The following IQCH variants were observed in gnomAD, a reference collection of about 807,000 sequenced individuals.
The protein encoded by IQCH is IQ domain-containing protein H.
Under a neutral mutation model 117.0 loss-of-function variants are expected in IQCH, and 98 were observed. The ratio of observed to expected loss-of-function variants is 0.84; its 90% CI spans 0.71 to 0.99. IQCH has a LOEUF of 0.99. Ranked by LOEUF, IQCH falls within the 50% of genes least tolerant of loss-of-function variation. The probability of loss-of-function intolerance (pLI) is 0.00; values close to 1 mark genes in which losing one functional copy is unlikely to be tolerated. For missense variants in IQCH, 1,102 were observed against 1,243.8 expected (o/e 0.89, Z 1.72); for synonymous variants, 412 against 448.2 (o/e 0.92, Z 1.02).
rs912162656 is a variant in IQCH, at chr15:67,467,125, AG to A, written c.2676+1830del. On this transcript the variant is annotated intron_variant, in intron 17 of 20. Coordinates refer to ENST00000335894, the MANE Select transcript of IQCH (RefSeq NM_001031715.3). The surrounding 1 kb of genome is among the most constrained non-coding windows in gnomAD (Gnocchi z 5.7). ...ATAATCCTAGCTACTGGGAAGGCTG[AG>A]GCAGGAGGATCACTTGAGCCCTGGA... 4.6e-5 allele frequency: 7 copies of A among 152,520 alleles called. No homozygotes were observed. The highest frequency in any genetic ancestry group is 1.2e-4 in the African/African-American group (5 of 41,468). The allele number at this position is 152,520 out of a possible 1,614,324, so 9.4% of individuals were successfully genotyped here.
chr15:67,356,366 G>A lies in IQCH; in HGVS notation c.638-979G>A, dbSNP rs1203532260. Among the ~76,000 whole-genome samples the A allele has an allele frequency of 6.6e-6, 1 of 152,196 alleles. No homozygotes were observed. The highest frequency in any genetic ancestry group is 1.5e-5 in the Non-Finnish European group (1 of 68,030). ...CAACAAAGAAATCCCTTTTGTGAAGGTGAGTTTCACTGAAAAGGCTCTGCT... is the reference window on the plus strand; with the variant it reads ...CAACAAAGAAATCCCTTTTGTGAAGATGAGTTTCACTGAAAAGGCTCTGCT... On this transcript the variant is annotated intron_variant, in intron 6 of 20. Coordinates refer to ENST00000335894, the MANE Select transcript of IQCH (RefSeq NM_001031715.3). The surrounding 1 kb of genome is among the most constrained non-coding windows in gnomAD (Gnocchi z 5.3).
intron 16 of IQCH, among the ~76,000 whole-genome samples, chr15:67,434,760 T>C (rs1455328096): frequency 6.6e-6 from 1 of 151,372 alleles, no homozygotes; most frequent in East Asian, 1.9e-4. Context: ...CACCAATACT[T>C]ATCTTTTGTC....
In IQCH at chr15:67,481,875, G is replaced by A. The variant is rs1400193976; in HGVS notation, c.2799+6057G>A. ...ATTAAAAGAGACTGTTGCTGCTTAA[G>A]ACTTAAAACAACCCTTGGGCCCTCA... On this transcript the variant is annotated intron_variant, in intron 18 of 20. Coordinates refer to ENST00000335894, the MANE Select transcript of IQCH (RefSeq NM_001031715.3). This position sits in a 1 kb window ranked among gnomAD's most constrained non-coding sequence, Gnocchi z 4.1. Among the ~76,000 whole-genome samples, 2 of 152,206 alleles carry A rather than the reference G, an allele frequency of 1.3e-5. No individual in the cohort carries two copies. The highest frequency in any genetic ancestry group is 4.8e-5 in the African/African-American group (2 of 41,458).
chr15:67,462,467 G>T (rs1431527330), intron 16 of IQCH, among the ~76,000 whole-genome samples: 1 of 150,826 alleles, frequency 6.6e-6, no homozygotes, highest in African/African-American at 2.4e-5. Context: ...GCAATTTCAC[G>T]TGCATTTATT....
rs183009520 is a variant in IQCH at position 67,480,488 on chromosome 15, G to C, written c.2799+4670G>C. 4.6e-5 allele frequency among the ~76,000 whole-genome samples: 7 copies of C among 152,278 alleles called. No individual in the cohort carries two copies. The East Asian group carries it at 1.2e-3, about 25-fold the overall frequency. ...CAAAGACCCATACCAACTCATGTGG[G>C]AAATGGAGCAGGACCAAGAACTGCA... On this transcript the variant is annotated intron_variant, in intron 18 of 20. Transcript: ENST00000335894.
At chr15:67,264,682 A>T (rs1347485670) in intron 3 of IQCH, among the ~76,000 whole-genome samples, 2 of 152,146 alleles carry the variant, frequency 1.3e-5, no homozygotes, top group African/African-American at 4.8e-5. Context: ...TTCTGTTGTT[A>T]GAAGTGAGCC....
intron 4 of IQCH, among the ~76,000 whole-genome samples, chr15:67,303,552 C>T (rs1967155373): frequency 1.3e-5 from 2 of 152,094 alleles, no homozygotes; most frequent in Non-Finnish European, 2.9e-5. Context: ...GGCATGGTTC[C>T]TCAAGAGACC....
chr15:67,492,413 C>A (rs1158846118), intron 19 of IQCH, among the ~76,000 whole-genome samples: 1 of 152,166 alleles, frequency 6.6e-6, no homozygotes, highest in African/African-American at 2.4e-5. Flanking sequence ...GAGAGGTGAG[C>A]TCCCTTCGGG....
At chr15:67,299,119 A>G (rs934817473) in intron 4 of IQCH, among the ~76,000 whole-genome samples, 24 of 151,980 alleles carry the variant, frequency 1.6e-4, no homozygotes, top group Admixed American at 6.6e-4. Flanking sequence ...ATTTGCAACA[A>G]CATGGATAGA....
At chr15:67,309,241 T>C (rs1207331761) in intron 4 of IQCH, among the ~76,000 whole-genome samples, 2 of 152,128 alleles carry the variant, frequency 1.3e-5, no homozygotes, top group Non-Finnish European at 2.9e-5. Flanking sequence ...AAGTCTCATA[T>C]ATTGTATTGT....
intron 16 of IQCH, among the ~76,000 whole-genome samples, chr15:67,429,479 C>T (rs542335409): frequency 6.6e-6 from 1 of 152,308 alleles, no homozygotes; most frequent in South Asian, 2.1e-4. Flanking sequence ...GATCGTGCCA[C>T]TGCACTCCAG....
Position 67,359,779 on chromosome 15 carries a change from C to G in IQCH, c.715-68C>G. ...GGAAGGGGGTGAGGCTCTGAGCCTT[C>G]TATTTGTTTTGTAAAATTGCCCATG... On this transcript the variant is annotated intron_variant, in intron 7 of 20. Transcript: ENST00000335894. This position sits in a 1 kb window ranked among gnomAD's most constrained non-coding sequence, Gnocchi z 4.5. The G allele has an allele frequency of 5.9e-6, 8 of 1,363,002 alleles. No homozygotes were observed. The East Asian group carries it at 1.8e-4, about 31-fold the overall frequency. The allele number at this position is 1,363,002 out of a possible 1,614,324, so 84.4% of individuals were successfully genotyped here.
Position 67,431,476 on chromosome 15 carries a change from G to A in IQCH, c.2505+9899G>A, listed in dbSNP as rs2082018594. On this transcript the variant is annotated intron_variant, in intron 16 of 20. Transcript: ENST00000335894. The surrounding 1 kb of genome is among the most constrained non-coding windows in gnomAD (Gnocchi z 4.8). ...ATAGAGGGGAACACCACGCACTGAG[G>A]CCTATCAAAGGGTGGAGGGTGGGAG... Among the ~76,000 whole-genome samples the A allele has an allele frequency of 6.6e-6, 1 of 152,020 alleles. No homozygotes were observed. The highest frequency in any genetic ancestry group is 2.4e-5 in the African/African-American group (1 of 41,386).
chr15:67,357,839 G>T (rs559384279), intron 7 of IQCH, among the ~76,000 whole-genome samples: 21 of 146,372 alleles, frequency 1.4e-4, no homozygotes, highest in African/African-American at 4.9e-4. Flanking sequence ...GCAGGGGAAA[G>T]AATTCTGTAT....
At chr15:67,285,299 G>GT (rs35324987) in intron 4 of IQCH, among the ~76,000 whole-genome samples, 1,981 of 149,686 alleles carry the variant, frequency 0.013, 43 homozygotes, top group African/African-American at 0.043. Context: ...ACTTTTTAAT[G>GT]TTTTTTTTTT....
At chr15:67,368,663 C>T (rs1015639074) in intron 8 of IQCH, among the ~76,000 whole-genome samples, 1 of 152,156 alleles carries the variant, frequency 6.6e-6, no homozygotes, top group Non-Finnish European at 1.5e-5. Context: ...GTCTATCCTT[C>T]TAGGCAATGG....
rs1045371796 is a variant in IQCH at position 67,443,880 on chromosome 15, A to G, written c.2506-21247A>G. 6.6e-6 allele frequency among the ~76,000 whole-genome samples: 1 copy of G among 152,210 alleles called. No homozygotes were observed. The highest frequency in any genetic ancestry group is 2.4e-5 in the African/African-American group (1 of 41,452). ...TACATGTAGTAACCCTAATCTTCAC[A>G]TCCTGAGAAGTATTATTATCCCTAA... On this transcript the variant is annotated intron_variant, in intron 16 of 20. Coordinates refer to ENST00000335894, the MANE Select transcript of IQCH (RefSeq NM_001031715.3). This position sits in a 1 kb window ranked among gnomAD's most constrained non-coding sequence, Gnocchi z 5.0.
intron 4 of IQCH, among the ~76,000 whole-genome samples, chr15:67,317,083 C>A (rs1425433911): frequency 6.6e-6 from 1 of 152,240 alleles, no homozygotes; most frequent in Non-Finnish European, 1.5e-5. Flanking sequence ...ATATCTCTAA[C>A]TTCAGATGTA....
At chr15:67,377,564 T>G (rs1460720652) in intron 10 of IQCH, among the ~76,000 whole-genome samples, 1 of 152,224 alleles carries the variant, frequency 6.6e-6, no homozygotes, top group African/African-American at 2.4e-5. Context: ...CCTCCACTTT[T>G]AATTTAACCC....
Sources: gnomAD v4.1 joint callset for allele counts (sites outside exome capture counted in the v4.1 genomes callset) on GRCh38, gnomAD v4.1.1 for gene constraint, Gnocchi (gnomAD v3.1) non-coding constraint, MANE v1.5 for transcripts, NCBI Gene and HGNC (gene_info 2026-07-23, HGNC 2026-07-21) for gene names.